The following ARHGEF38 variants were observed in gnomAD, a reference collection of about 807,000 sequenced individuals.
ARHGEF38 encodes the protein Rho guanine nucleotide exchange factor 38, also known as Rho guanine nucleotide exchange factor (GEF) 38.
ARHGEF38 carries 79 observed loss-of-function variants against 79.9 expected under a neutral mutation model. That is an observed-to-expected ratio of 0.99 (90% CI 0.82 to 1.19). ARHGEF38 has a LOEUF of 1.19. ARHGEF38 is among the 50% of genes most tolerant of loss of function. The pLI, the probability that ARHGEF38 is intolerant of heterozygous loss-of-function variation, is 0.00. For missense variants in ARHGEF38, 962 were observed against 907.2 expected (o/e 1.06, Z -0.78); for synonymous variants, 366 against 328.3 (o/e 1.11, Z -1.24).
At chr4:105,602,822 C>CA (rs995131808) in intron 2 of ARHGEF38, among the ~76,000 whole-genome samples, 8 of 151,460 alleles carry the variant, frequency 5.3e-5, no homozygotes, top group African/African-American at 1.5e-4. Context: ...GGTAGTTGTT[C>CA]AAAAAAAAGA....
intron 1 of ARHGEF38, among the ~76,000 whole-genome samples, chr4:105,583,507 T>C (rs1726894226): frequency 6.6e-6 from 1 of 152,204 alleles, no homozygotes; most frequent in Admixed American, 6.5e-5. Context: ...CCCAGATATC[T>C]GCATGACTCT....
At chr4:105,584,956 T>C (rs1268156615) in intron 1 of ARHGEF38, among the ~76,000 whole-genome samples, 1 of 152,186 alleles carries the variant, frequency 6.6e-6, no homozygotes, top group Non-Finnish European at 1.5e-5. Flanking sequence ...CCAAGCCAGA[T>C]AAACTGCTCA....
intron 8 of ARHGEF38, 110 bp downstream of exon 8, chr4:105,654,279 T>C (rs950347712): frequency 5.0e-6 from 3 of 599,890 alleles, no homozygotes; most frequent in South Asian, 4.4e-5. Context: ...CTTTATGTTA[T>C]GACACCGGAT....
intron 6 of ARHGEF38, among the ~76,000 whole-genome samples, chr4:105,645,921 T>C (rs1729821749): frequency 6.6e-6 from 1 of 152,200 alleles, no homozygotes; most frequent in Non-Finnish European, 1.5e-5. Flanking sequence ...TGTTAACTAT[T>C]TGTAAGCTAA....
At chr4:105,649,126 A>T (rs1729984025) in intron 7 of ARHGEF38, among the ~76,000 whole-genome samples, 1 of 152,082 alleles carries the variant, frequency 6.6e-6, no homozygotes, top group Admixed American at 6.6e-5. Flanking sequence ...TCATCTTTAT[A>T]AACAAAGTGT....
intron 13 of ARHGEF38, among the ~76,000 whole-genome samples, chr4:105,672,473 A>G (rs547255054): frequency 1.3e-4 from 20 of 152,292 alleles, no homozygotes; most frequent in Admixed American, 3.9e-4. Context: ...TAAGTTCTTC[A>G]TTTTGTTTTT....
chr4:105,555,105 T>C (rs3796916), intron 1 of ARHGEF38, among the ~76,000 whole-genome samples: 134,370 of 152,186 alleles, frequency 0.88, 59,638 homozygotes, highest in African/African-American at 0.92. Flanking sequence ...GGTTGGTTAC[T>C]TTGCAGAAGA....
intron 2 of ARHGEF38, 78 bp downstream of exon 2, chr4:105,589,513 A>G: frequency 1.6e-6 from 2 of 1,286,952 alleles, no homozygotes; most frequent in South Asian, 1.5e-5. Flanking sequence ...TGAAGCACTC[A>G]GGTGTATCAA....
intron 13 of ARHGEF38, among the ~76,000 whole-genome samples, chr4:105,668,702 ATAG>A (rs1730855766): frequency 6.6e-6 from 1 of 151,804 alleles, no homozygotes; most frequent in Non-Finnish European, 1.5e-5. Context: ...AGATAGATAG[ATAG>A]ATGATAGATA....
At chr4:105,653,939 G>A in intron 7 of ARHGEF38, 126 bp from the exon 8 acceptor site, 1 of 443,498 alleles carries the variant, frequency 2.3e-6, no homozygotes, top group East Asian at 3.2e-5. Flanking sequence ...CAGACAGCAT[G>A]TCATCAAATG....
At chr4:105,602,667 C>T (rs950424686) in intron 2 of ARHGEF38, among the ~76,000 whole-genome samples, 4 of 152,012 alleles carry the variant, frequency 2.6e-5, no homozygotes, top group African/African-American at 7.2e-5. Context: ...ATGATGCACC[C>T]AAAGACCAGT....
chr4:105,573,314 C>G (rs1429201570), intron 1 of ARHGEF38, among the ~76,000 whole-genome samples: 1 of 152,036 alleles, frequency 6.6e-6, no homozygotes, highest in African/African-American at 2.4e-5. Flanking sequence ...AAATTACTGC[C>G]AAATTCAATA....
chr4:105,632,940 A>T (rs1729254570), intron 4 of ARHGEF38: 1 of 152,692 alleles, frequency 6.5e-6, no homozygotes, highest in Non-Finnish European at 1.5e-5. Context: ...TAGGCAGTAT[A>T]GCCCAGTATC....
intron 2 of ARHGEF38, among the ~76,000 whole-genome samples, chr4:105,603,200 C>T (rs2110478117): frequency 6.6e-6 from 1 of 152,270 alleles, no homozygotes; most frequent in South Asian, 2.1e-4. Context: ...TTATTCTAAA[C>T]AACTTGTTTA....
chr4:105,649,042 C>T (rs1729980995), intron 7 of ARHGEF38, among the ~76,000 whole-genome samples: 1 of 152,156 alleles, frequency 6.6e-6, no homozygotes, highest in Admixed American at 6.6e-5. Flanking sequence ...GCCCTTCTTC[C>T]ATCCTGTTTT....
At position 105,592,411 on chromosome 4, in the gene ARHGEF38, C is replaced by A. The variant is rs79223609; in HGVS notation, c.384+2976C>A. ...CTCCCACTGGTACGATTTCTGACAA[C>A]CTTCTGATGGCACCGAGACCTCCAA... On this transcript the variant is annotated intron_variant, in intron 2 of 13. Transcript: ENST00000420470. Among the ~76,000 whole-genome samples, 1,267 of 151,774 alleles carry A rather than the reference C, an allele frequency of 8.3e-3. 21 individuals carry two copies. The highest frequency in any genetic ancestry group is 0.029 in the African/African-American group (1,214 of 41,324).
rs146624903 is a variant in ARHGEF38 at position 105,557,721 on chromosome 4, A to G, written c.196+4760A>G. 4.5e-4 allele frequency among the ~76,000 whole-genome samples: 68 copies of G among 152,194 alleles called. 1 individual carries two copies. Among genetic ancestry groups the G allele is most frequent in the African/African-American group, 1.5e-3 (62 of 41,538 alleles). On this transcript the variant is annotated intron_variant, in intron 1 of 13. Coordinates refer to ENST00000420470, the MANE Select transcript of ARHGEF38 (RefSeq NM_001242729.2). Reference sequence around the variant, plus strand: ...TCTCAGCAGGAATAAGATCTTCCGCATTAGGAATAAGATCAACTTGATTCT... The same window carrying G: ...TCTCAGCAGGAATAAGATCTTCCGCGTTAGGAATAAGATCAACTTGATTCT...
chr4:105,628,542 C>T lies in ARHGEF38; in HGVS notation c.509-2356C>T, dbSNP rs17036002. The stretch of plus-strand genomic sequence containing the variant: ...TGTTATCAGTGTTGAAGAACAAATC[C>T]ATATGACCTACACTAGTTGAAGGAT... On this transcript the variant is annotated intron_variant, in intron 3 of 13. Coordinates refer to ENST00000420470, the MANE Select transcript of ARHGEF38 (RefSeq NM_001242729.2). Among the ~76,000 whole-genome samples the T allele has an allele frequency of 2.9e-3, 442 of 152,182 alleles. 4 individuals carry two copies. Among genetic ancestry groups the T allele is most frequent in the African/African-American group, 0.01 (423 of 41,508 alleles).
At chr4:105,616,923 T>C (rs1196803347) in intron 3 of ARHGEF38, among the ~76,000 whole-genome samples, 1 of 152,234 alleles carries the variant, frequency 6.6e-6, no homozygotes, top group East Asian at 1.9e-4. Context: ...CTCATTTAGG[T>C]CAGACAACAG....
Sources: gnomAD v4.1 joint callset for allele counts (sites outside exome capture counted in the v4.1 genomes callset) on GRCh38, gnomAD v4.1.1 for gene constraint, MANE v1.5 for transcripts, NCBI Gene and HGNC (gene_info 2026-07-23, HGNC 2026-07-21) for gene names.